NRF1: variants seen among roughly 807,000 people sequenced by gnomAD.
The protein encoded by NRF1 is alpha palindromic-binding protein.
Under a neutral mutation model 58.5 loss-of-function variants are expected in NRF1, and 5 were observed. That is an observed-to-expected ratio of 0.09 (90% CI 0.04 to 0.18). NRF1 has a LOEUF of 0.18. NRF1 is among the 10% of genes least tolerant of loss of function. NRF1 has a pLI of 1.00. For missense variants in NRF1, 288 were observed against 657.7 expected (o/e 0.44, Z 6.15); for synonymous variants, 224 against 246.7 (o/e 0.91, Z 0.86).
chr7:129,681,306 GAA>G (rs1802302402), intron 4 of NRF1, among the ~76,000 whole-genome samples: 1 of 152,182 alleles, frequency 6.6e-6, no homozygotes, highest in Non-Finnish European at 1.5e-5. Flanking sequence ...GTGAAACCAA[GAA>G]AATAAATTTG....
intron 3 of NRF1, among the ~76,000 whole-genome samples, chr7:129,675,945 A>T (rs1286346935): frequency 6.6e-6 from 1 of 152,224 alleles, no homozygotes; most frequent in Non-Finnish European, 1.5e-5. Flanking sequence ...AGGCTGTTTT[A>T]TCTACATTGA....
chr7:129,686,219 G>T (rs990990472), intron 4 of NRF1, among the ~76,000 whole-genome samples: 16 of 152,082 alleles, frequency 1.1e-4, no homozygotes, highest in Admixed American at 5.2e-4. Flanking sequence ...AAGTTGCTCA[G>T]TATAGGACTC....
intron 9 of NRF1, among the ~76,000 whole-genome samples, chr7:129,719,387 C>T (rs1297009771): frequency 6.6e-6 from 1 of 152,160 alleles, no homozygotes; most frequent in East Asian, 1.9e-4. Flanking sequence ...CCGCCTCAGC[C>T]TCCCAAAGTG....
rs538727802 is a variant in NRF1 at position 129,735,745 on chromosome 7, A to G, written c.1348+8380A>G. 2.5e-4 allele frequency among the ~76,000 whole-genome samples: 38 copies of G among 152,226 alleles called. 2 individuals are homozygous for G. In the South Asian group the frequency reaches 7.5e-3, roughly 30 times the overall value. ...ATAAGACCACCGGGCGCGGTGGCTG[A>G]CGCCTGTAATCCCAGCACTTTGGGA... On this transcript the variant is annotated intron_variant, in intron 10 of 10. Transcript: ENST00000393232.
At chr7:129,708,250 G>A (rs568003573) in intron 5 of NRF1, among the ~76,000 whole-genome samples, 1 of 152,278 alleles carries the variant, frequency 6.6e-6, no homozygotes, top group Admixed American at 6.5e-5. Flanking sequence ...CATTATCAGC[G>A]ATTAAGAATA....
chr7:129,632,861 G>A (rs1023131046), intron 1 of NRF1, among the ~76,000 whole-genome samples: 1 of 152,090 alleles, frequency 6.6e-6, no homozygotes, highest in Non-Finnish European at 1.5e-5. Context: ...ATAAAAATTT[G>A]TAGCCCAGCT....
At chr7:129,711,371 T>C (rs1047289340) in intron 7 of NRF1, 104 bp from the exon 8 acceptor site, 6 of 746,578 alleles carry the variant, frequency 8.0e-6, no homozygotes, top group Admixed American at 5.6e-5. Context: ...GCATATTCTT[T>C]GTTATCTGTG....
At chr7:129,683,308 T>TGAGAGAGAGAGAGGGAGAGAGAGA in intron 4 of NRF1, among the ~76,000 whole-genome samples, 1 of 143,096 alleles carries the variant, frequency 7.0e-6, no homozygotes, top group African/African-American at 2.6e-5. Flanking sequence ...TGTGTGTGTG[T>TGAGAGAGAGAGAGGGAGAGAGAGA]GTGTGTGTGT....
chr7:129,621,781 ATTTTT>A (rs11286994), intron 1 of NRF1, among the ~76,000 whole-genome samples: 1 of 128,644 alleles, frequency 7.8e-6, no homozygotes, highest in Non-Finnish European at 1.6e-5. Flanking sequence ...TCTCCATAGA[ATTTTT>A]TTTTTTTTTT....
At chr7:129,735,833 C>G (rs1204155917) in intron 10 of NRF1, among the ~76,000 whole-genome samples, 1 of 151,936 alleles carries the variant, frequency 6.6e-6, no homozygotes, top group Non-Finnish European at 1.5e-5. Flanking sequence ...ACGGTGAAAC[C>G]CCGTCTCTAC....
rs544398223 is a variant in NRF1 at position 129,640,615 on chromosome 7, C to G, written c.-6-16731C>G. 7.9e-5 allele frequency among the ~76,000 whole-genome samples: 12 copies of G among 152,224 alleles called. No homozygotes were observed. The East Asian group carries it at 1.7e-3, about 22-fold the overall frequency. On this transcript the variant is annotated intron_variant, in intron 1 of 10. Transcript: ENST00000393232. ...TTATTAAGCTATTAATACATAATAG[C>G]TTGCATTAGCAGTTAAGGAGCCCAA...
intron 5 of NRF1, among the ~76,000 whole-genome samples, chr7:129,707,786 C>G (rs1424775414): frequency 6.6e-6 from 1 of 152,034 alleles, no homozygotes; most frequent in African/African-American, 2.4e-5. Flanking sequence ...AGGCTTGGCA[C>G]AGGAATTAAC....
At chr7:129,627,895 A>G (rs562550091) in intron 1 of NRF1, among the ~76,000 whole-genome samples, 4 of 152,288 alleles carry the variant, frequency 2.6e-5, no homozygotes, top group Admixed American at 2.6e-4. Flanking sequence ...AATTATTTCA[A>G]GAGCCTGGTA....
At chr7:129,671,620 T>C in intron 3 of NRF1, 77 bp downstream of exon 3, 1 of 805,082 alleles carries the variant, frequency 1.2e-6, no homozygotes, top group Non-Finnish European at 2.1e-6. Flanking sequence ...CATATGTGAT[T>C]AGGTTTGTCA....
chr7:129,674,884 A>G (rs1343306815), intron 3 of NRF1, among the ~76,000 whole-genome samples: 1 of 152,106 alleles, frequency 6.6e-6, no homozygotes, highest in African/African-American at 2.4e-5. Flanking sequence ...GGCTGCGGCA[A>G]TTTCTTAAAA....
chr7:129,640,246 G>A (rs1212247645), intron 1 of NRF1, among the ~76,000 whole-genome samples: 3 of 152,198 alleles, frequency 2.0e-5, no homozygotes, highest in African/African-American at 7.2e-5. Context: ...GCTGGGTGCT[G>A]TGGTTCATGC....
At chr7:129,709,729 CTTTTT>C (rs71527924) in intron 6 of NRF1, among the ~76,000 whole-genome samples, 5 of 127,938 alleles carry the variant, frequency 3.9e-5, no homozygotes, top group Non-Finnish European at 5.0e-5. Context: ...TCTTTTCTTT[CTTTTT>C]TTTTTTTTTT....
intron 4 of NRF1, among the ~76,000 whole-genome samples, 179 bp downstream of exon 4, chr7:129,677,937 T>C (rs565948787): frequency 1.3e-4 from 19 of 151,892 alleles, no homozygotes; most frequent in Non-Finnish European, 2.5e-4. Flanking sequence ...TCATTACTCT[T>C]TTTACTTCCT....
chr7:129,636,989 C>T (rs547983061), intron 1 of NRF1, among the ~76,000 whole-genome samples: 9 of 152,086 alleles, frequency 5.9e-5, no homozygotes, highest in African/African-American at 2.2e-4. Context: ...GTCTATAATG[C>T]CTAGTAAGTA....
Sources: gnomAD v4.1 joint callset for allele counts (sites outside exome capture counted in the v4.1 genomes callset) on GRCh38, gnomAD v4.1.1 for gene constraint, MANE v1.5 for transcripts, NCBI Gene and HGNC (gene_info 2026-07-23, HGNC 2026-07-21) for gene names.